Variants in NUP62CL observed in about 807,000 individuals in gnomAD.
NUP62CL encodes nucleoporin 62 C-terminal like, also known as nucleoporin-62 C-terminal-like protein.
In NUP62CL, 13 loss-of-function variants were observed where a neutral mutation model predicts 15.3. The observed-to-expected ratio is 0.85, with a 90% CI of 0.55 to 1.35. NUP62CL has a LOEUF of 1.35. Among genes scored for constraint, NUP62CL ranks in the 40% most tolerant of loss-of-function variants. NUP62CL has a pLI of 0.00. For synonymous variants in NUP62CL, 54 were observed against 49.2 expected (o/e 1.10, Z -0.41); for missense variants, 123 against 130.6 (o/e 0.94, Z 0.28).
rs1016371725 is a variant in NUP62CL, at chrX:107,175,231, A to G, written c.-47-38T>C. ...GTAACAAACAGAAAAATATGTCACTAAAAATAATTTTTAAAAGTAAAACAA... is the reference window on the plus strand; with the variant it reads ...GTAACAAACAGAAAAATATGTCACTGAAAATAATTTTTAAAAGTAAAACAA... On this transcript the variant is annotated intron_variant, in intron 2 of 8. Transcript: ENST00000372466. 3 of 647,531 alleles carry G rather than the reference A, an allele frequency of 4.6e-6. No individual in the cohort carries two copies. In the East Asian group the frequency reaches 9.9e-5, roughly 21 times the overall value. 53.4% of individuals were successfully genotyped at this position (647,531 alleles called of 1,213,427 possible).
rs190817511 is a variant in NUP62CL at position 107,124,741 on chromosome X, A to G, written c.*43-409T>C. Among the ~76,000 whole-genome samples, 28 of 111,495 alleles carry G rather than the reference A, an allele frequency of 2.5e-4. No individual in the cohort carries two copies. In the East Asian group the frequency reaches 7.8e-3, roughly 31 times the overall value. ...ATATTTACATTTCTGTTCTTTTCCAATAATGATTTATTTAACTTGGTGGTT... is the reference window on the plus strand; with the variant it reads ...ATATTTACATTTCTGTTCTTTTCCAGTAATGATTTATTTAACTTGGTGGTT... On this transcript the variant is annotated intron_variant, in intron 8 of 8. Coordinates refer to ENST00000372466, the MANE Select transcript of NUP62CL (RefSeq NM_017681.3).
At chrX:107,177,716 A>G (rs1434753799) in intron 2 of NUP62CL, among the ~76,000 whole-genome samples, 1 of 111,560 alleles carries the variant, frequency 9.0e-6, no homozygotes, top group Non-Finnish European at 1.9e-5. Flanking sequence ...TATAATCAAA[A>G]AGATAGATCA....
At chrX:107,138,619 C>T (rs1192600939) in intron 8 of NUP62CL, among the ~76,000 whole-genome samples, 3 of 111,810 alleles carry the variant, frequency 2.7e-5, no homozygotes, top group African/African-American at 9.8e-5. Flanking sequence ...TATCACTACA[C>T]CTCCATTACA....
intron 1 of NUP62CL, among the ~76,000 whole-genome samples, chrX:107,200,205 T>C (rs1269810145): frequency 8.9e-6 from 1 of 112,099 alleles, no homozygotes; most frequent in Non-Finnish European, 1.9e-5. Flanking sequence ...TTTTCCCCCT[T>C]CATACTATAG....
intron 8 of NUP62CL, among the ~76,000 whole-genome samples, chrX:107,134,663 A>T (rs1320893556): frequency 1.8e-5 from 2 of 110,152 alleles, no homozygotes; most frequent in East Asian, 5.7e-4. Flanking sequence ...CGTGTTGCCC[A>T]GGCTGGTGTC....
rs761219929 is a variant in NUP62CL, at chrX:107,187,069, A to G, written c.-48+5960T>C. Reference sequence around the variant, plus strand: ...AAAGATAACAGGAAAATCTTCAAACATTTGGAAACTGAACACTTCTAAATA... The same window carrying G: ...AAAGATAACAGGAAAATCTTCAAACGTTTGGAAACTGAACACTTCTAAATA... On this transcript the variant is annotated intron_variant, in intron 2 of 8. Transcript: ENST00000372466. Among the ~76,000 whole-genome samples, 3 of 112,089 alleles carry G rather than the reference A, an allele frequency of 2.7e-5. No individual in the cohort carries two copies. The South Asian group carries it at 1.1e-3, about 42-fold the overall frequency.
At chrX:107,192,989 T>C (rs1324213402) in intron 2 of NUP62CL, 40 bp downstream of exon 2, 1 of 111,679 alleles carries the variant, frequency 9.0e-6, no homozygotes, top group East Asian at 2.8e-4. Context: ...GTAGTGGAAG[T>C]AGTCACTGTT....
chrX:107,146,715 T>C (rs1415639202), intron 8 of NUP62CL, among the ~76,000 whole-genome samples: 1 of 111,670 alleles, frequency 9.0e-6, no homozygotes, highest in Non-Finnish European at 1.9e-5. Flanking sequence ...TTACTACTAC[T>C]ATTCTTTTTG....
intron 3 of NUP62CL, among the ~76,000 whole-genome samples, chrX:107,172,208 C>T (rs976131987): frequency 1.2e-4 from 13 of 106,766 alleles, no homozygotes; most frequent in Non-Finnish European, 2.5e-4. Context: ...TGCATGCCTG[C>T]AGTCCCAGGT....
intron 2 of NUP62CL, among the ~76,000 whole-genome samples, chrX:107,192,537 G>T (rs1451055552): frequency 1.8e-5 from 2 of 110,600 alleles, no homozygotes; most frequent in Non-Finnish European, 3.8e-5. Context: ...ATACTACCAC[G>T]CCCGGCTAAT....
At chrX:107,186,399 AT>A (rs768698891) in intron 2 of NUP62CL, among the ~76,000 whole-genome samples, 1 of 111,757 alleles carries the variant, frequency 8.9e-6, no homozygotes, top group East Asian at 2.8e-4. Context: ...ATAATTATCC[AT>A]TTTTTTGTGT....
At position 107,167,739 on chromosome X, in the gene NUP62CL, G is replaced by A. The variant is rs201793324; in HGVS notation, c.104C>T (p.Thr35Ile). The change falls in exon 4 of 9, where the codon ACT becomes ATT. Residue 35 changes from threonine (T) to isoleucine (I), a missense_variant. By Grantham distance (89) the Thr-to-Ile change is moderately conservative (BLOSUM62 -1). Transcript: ENST00000372466. ...TTTATFTTNT[T>I]TTITSGFTVN... ...AGTAAAGCCACTGGTGATTGTGGTA[G>A]TAGTGTTGGTGGTGAAAGTGGCGGT... is the stretch of plus-strand genomic sequence containing the variant. 8.4e-6 allele frequency: 10 copies of A among 1,197,105 alleles called. No individual in the cohort carries two copies. Among genetic ancestry groups the A allele is most frequent in the Non-Finnish European group, 1.1e-5 (10 of 883,948 alleles).
At chrX:107,162,765 C>T (rs1926419235) in intron 4 of NUP62CL, among the ~76,000 whole-genome samples, 4 of 112,091 alleles carry the variant, frequency 3.6e-5, no homozygotes, top group African/African-American at 1.3e-4. Context: ...CGATCCCCAA[C>T]CCTTTTGGCA....
rs758056562 is a variant in NUP62CL, at chrX:107,152,422, C to T, written c.530+750G>A. Among the ~76,000 whole-genome samples, 323 of 109,427 alleles carry T rather than the reference C, an allele frequency of 3.0e-3. 2 individuals are homozygous for T. Among genetic ancestry groups the T allele is most frequent in the African/African-American group, 0.01 (302 of 30,165 alleles). ...TTAGTTGTACTTACCACATTTAATG[C>T]GCCTACAAAAAAGTTAACTTGCAAG... is the stretch of plus-strand genomic sequence containing the variant. On this transcript the variant is annotated intron_variant, in intron 7 of 8. Transcript: ENST00000372466.
At chrX:107,147,942 C>T (rs1383314576) in intron 7 of NUP62CL, 133 bp from the exon 8 acceptor site, 7 of 475,422 alleles carry the variant, frequency 1.5e-5, no homozygotes, top group Non-Finnish European at 2.5e-5. Flanking sequence ...TTACTAAATA[C>T]TAATTTTTTT....
chrX:107,140,969 G>A (rs868782355), intron 8 of NUP62CL, among the ~76,000 whole-genome samples: 3 of 111,902 alleles, frequency 2.7e-5, no homozygotes, highest in Middle Eastern at 4.2e-3. Flanking sequence ...AGAAAAATCC[G>A]TCCTTCTCAC....
intron 1 of NUP62CL, among the ~76,000 whole-genome samples, chrX:107,193,494 C>T (rs1416315254): frequency 1.8e-5 from 2 of 112,017 alleles, no homozygotes; most frequent in Non-Finnish European, 3.8e-5. Context: ...AGACAAGAAA[C>T]ATGTGAGAAT....
chrX:107,133,011 G>T (rs773409344), intron 8 of NUP62CL, among the ~76,000 whole-genome samples: 5 of 111,393 alleles, frequency 4.5e-5, no homozygotes, highest in African/African-American at 1.6e-4. Flanking sequence ...TGGGGTTGGG[G>T]GCAAATCCAT....
intron 8 of NUP62CL, among the ~76,000 whole-genome samples, chrX:107,137,500 A>G (rs1925668926): frequency 8.9e-6 from 1 of 112,072 alleles, no homozygotes; most frequent in Non-Finnish European, 1.9e-5. Flanking sequence ...CGAGGAATCC[A>G]CACAAAAAAA....
Sources: allele counts gnomAD v4.1 joint callset (sites outside exome capture counted in the v4.1 genomes callset), GRCh38; gene constraint gnomAD v4.1.1; transcripts MANE v1.5; gene names NCBI Gene and HGNC (gene_info 2026-07-23, HGNC 2026-07-21).